The following TTLL11 variants were observed in gnomAD, a reference collection of about 807,000 sequenced individuals.
TTLL11 encodes tubulin polyglutamylase TTLL11.
Under a neutral mutation model 51.7 loss-of-function variants are expected in TTLL11, and 42 were observed. The observed-to-expected ratio is 0.81, with a 90% CI of 0.64 to 1.05. TTLL11 has a LOEUF of 1.05. TTLL11 is among the 50% of genes least tolerant of loss of function. The probability of loss-of-function intolerance (pLI) is 0.00; values close to 1 mark genes in which losing one functional copy is unlikely to be tolerated. For missense variants in TTLL11, 799 were observed against 940.4 expected (o/e 0.85, Z 1.97); for synonymous variants, 381 against 383.5 (o/e 0.99, Z 0.08).
chr9:121,896,177 A>C (rs1479267967), intron 6 of TTLL11, among the ~76,000 whole-genome samples: 3 of 151,992 alleles, frequency 2.0e-5, no homozygotes, highest in Non-Finnish European at 4.4e-5. Flanking sequence ...GGAGCCGTTA[A>C]ATTCTGCCTC....
chr9:121,983,462 G>C (rs1564340690), intron 4 of TTLL11, among the ~76,000 whole-genome samples: 1 of 152,198 alleles, frequency 6.6e-6, no homozygotes, highest in Non-Finnish European at 1.5e-5. Context: ...GGCTACGCGG[G>C]ATCATTTAGG....
At chr9:122,077,699 T>C (rs1182292631) in intron 1 of TTLL11, among the ~76,000 whole-genome samples, 2 of 152,102 alleles carry the variant, frequency 1.3e-5, no homozygotes, top group South Asian at 2.1e-4. Flanking sequence ...ATTTATATAA[T>C]GCAATTCATA....
intron 6 of TTLL11, among the ~76,000 whole-genome samples, chr9:121,970,889 C>T (rs1185020301): frequency 6.6e-6 from 1 of 152,240 alleles, no homozygotes; most frequent in Non-Finnish European, 1.5e-5. Context: ...ACTATAAAGA[C>T]ACATGCACAC....
chr9:121,842,118 A>G (rs924319289), intron 8 of TTLL11, among the ~76,000 whole-genome samples: 4 of 152,184 alleles, frequency 2.6e-5, no homozygotes, highest in Non-Finnish European at 4.4e-5. Context: ...AAACATCTGG[A>G]AAAAGAGCAG....
chr9:122,014,825 C>T (rs10985483), intron 3 of TTLL11, among the ~76,000 whole-genome samples: 65,790 of 151,914 alleles, frequency 0.43, 16,155 homozygotes, highest in African/African-American at 0.67. Flanking sequence ...GGAAAGATGA[C>T]GGGATGTAGA....
At chr9:121,897,640 A>ACACACACACACACACACACGCG (rs111331446) in intron 6 of TTLL11, among the ~76,000 whole-genome samples, 2,370 of 139,250 alleles carry the variant, frequency 0.017, 32 homozygotes, top group African/African-American at 0.022. Context: ...ACACACACAC[A>ACACACACACACACACACACGCG]CGCGCGCGCG....
At chr9:121,961,210 A>G (rs10985469) in intron 6 of TTLL11, among the ~76,000 whole-genome samples, 30,499 of 151,030 alleles carry the variant, frequency 0.2, 3,230 homozygotes, top group Middle Eastern at 0.21. Flanking sequence ...CCACTTTACC[A>G]CCTCTTCCTC....
At chr9:121,912,103 A>G (rs1246322151) in intron 6 of TTLL11, among the ~76,000 whole-genome samples, 1 of 152,190 alleles carries the variant, frequency 6.6e-6, no homozygotes, top group Non-Finnish European at 1.5e-5. Flanking sequence ...TCCTGCTCTT[A>G]GGGAACTTAC....
chr9:121,847,409 G>A (rs1375950414), intron 8 of TTLL11, among the ~76,000 whole-genome samples: 3 of 151,774 alleles, frequency 2.0e-5, no homozygotes, highest in Non-Finnish European at 2.9e-5. Flanking sequence ...AAGAGAAAAG[G>A]TTATTAGATT....
At chr9:121,897,650 G>GCGCA (rs1554766735) in intron 6 of TTLL11, among the ~76,000 whole-genome samples, 2 of 66,840 alleles carry the variant, frequency 3.0e-5, no homozygotes, top group South Asian at 1.3e-3. Flanking sequence ...ACGCGCGCGC[G>GCGCA]AAGTCTCCAA....
chr9:122,042,818 TA>T (rs1844882808), intron 1 of TTLL11, among the ~76,000 whole-genome samples: 1 of 152,208 alleles, frequency 6.6e-6, no homozygotes, highest in Non-Finnish European at 1.5e-5. Context: ...TGCATATTAC[TA>T]AATGGAATAA....
At chr9:121,972,917 T>C (rs566892515) in intron 6 of TTLL11, among the ~76,000 whole-genome samples, 1 of 152,370 alleles carries the variant, frequency 6.6e-6, no homozygotes, top group South Asian at 2.1e-4. Context: ...CACCACTTGC[T>C]TGGGGAAGTC....
intron 8 of TTLL11, among the ~76,000 whole-genome samples, chr9:121,826,184 C>CA (rs1491277758): frequency 6.1e-4 from 31 of 51,088 alleles, no homozygotes; most frequent in East Asian, 1.2e-3. Flanking sequence ...AACCAGTAAC[C>CA]TATATATATA....
intron 3 of TTLL11, among the ~76,000 whole-genome samples, chr9:122,016,666 A>C (rs75153929): frequency 0.037 from 5,604 of 152,252 alleles, 150 homozygotes; most frequent in Non-Finnish European, 0.057. Context: ...AATAAACACT[A>C]ACTTGGGATG....
At chr9:122,059,549 T>C (rs1161968680) in intron 1 of TTLL11, among the ~76,000 whole-genome samples, 1 of 152,120 alleles carries the variant, frequency 6.6e-6, no homozygotes, top group Non-Finnish European at 1.5e-5. Flanking sequence ...TAGAGAAGCT[T>C]GAAGTTTCTT....
At chr9:121,897,310 C>T (rs1839560506) in intron 6 of TTLL11, among the ~76,000 whole-genome samples, 1 of 152,110 alleles carries the variant, frequency 6.6e-6, no homozygotes, top group Non-Finnish European at 1.5e-5. Context: ...GCACCTCACT[C>T]GAGATCACAC....
intron 6 of TTLL11, among the ~76,000 whole-genome samples, chr9:121,924,079 C>T (rs1840632375): frequency 6.6e-6 from 1 of 152,202 alleles, no homozygotes; most frequent in Non-Finnish European, 1.5e-5. Context: ...CCACGTGGAA[C>T]TGTGATTCCA....
chr9:121,905,983 T>G (rs539558184), intron 6 of TTLL11, among the ~76,000 whole-genome samples: 106 of 152,336 alleles, frequency 7.0e-4, no homozygotes, highest in Non-Finnish European at 1.5e-3. Context: ...ATCTATAATC[T>G]TTTGTTTGCC....
At chr9:121,874,545 T>A (rs1476331823) in intron 6 of TTLL11, among the ~76,000 whole-genome samples, 1 of 152,228 alleles carries the variant, frequency 6.6e-6, no homozygotes, top group East Asian at 1.9e-4. Flanking sequence ...ATTACATGTA[T>A]TCCAAATCCT....
Sources: allele counts gnomAD v4.1 joint callset (sites outside exome capture counted in the v4.1 genomes callset), GRCh38; gene constraint gnomAD v4.1.1; transcripts MANE v1.5; gene names NCBI Gene and HGNC (gene_info 2026-07-23, HGNC 2026-07-21).